Variants in FOXN3 observed in about 807,000 individuals in gnomAD.
FOXN3 encodes the protein forkhead box protein N3.
In FOXN3, 7 loss-of-function variants were observed where a neutral mutation model predicts 38.4. That is an observed-to-expected ratio of 0.18 (90% confidence interval 0.10 to 0.34). FOXN3 has a LOEUF of 0.34. FOXN3 is among the 10% of genes least tolerant of loss of function. The probability of loss-of-function intolerance (pLI) is 1.00; values close to 1 mark genes in which losing one functional copy is unlikely to be tolerated. For synonymous variants in FOXN3, 230 were observed against 242.2 expected (o/e 0.95, Z 0.47); for missense variants, 456 against 613.4 (o/e 0.74, Z 2.71).
intron 4 of FOXN3, among the ~76,000 whole-genome samples, chr14:89,222,616 G>A (rs998700238): frequency 1.3e-5 from 2 of 152,034 alleles, no homozygotes; most frequent in East Asian, 1.9e-4. Context: ...ACACCCAGCC[G>A]AGCTCAGGAG....
intron 1 of FOXN3, among the ~76,000 whole-genome samples, chr14:89,465,033 C>T (rs1419664046): frequency 4.0e-5 from 6 of 151,892 alleles, no homozygotes; most frequent in Non-Finnish European, 8.8e-5. Context: ...GTGAGTTCTC[C>T]AGAGATCTGA....
intron 1 of FOXN3, among the ~76,000 whole-genome samples, chr14:89,553,752 C>T (rs2139867068): frequency 6.6e-6 from 1 of 152,260 alleles, no homozygotes; most frequent in Admixed American, 6.5e-5. Flanking sequence ...ACTCAGATCT[C>T]AGAAATAAAG....
At chr14:89,199,060 G>A (rs906384060) in intron 4 of FOXN3, among the ~76,000 whole-genome samples, 7 of 152,170 alleles carry the variant, frequency 4.6e-5, no homozygotes, top group East Asian at 1.9e-4. Context: ...TATAACAGCC[G>A]CCTCTGATCT....
At chr14:89,465,600 T>C (rs535989486) in intron 1 of FOXN3, among the ~76,000 whole-genome samples, 39 of 152,352 alleles carry the variant, frequency 2.6e-4, no homozygotes, top group African/African-American at 7.2e-4. Flanking sequence ...CACAAGGTTA[T>C]GTTTTGTACC....
chr14:89,442,100 AT>A (rs1436346425), intron 1 of FOXN3, among the ~76,000 whole-genome samples: 6 of 151,742 alleles, frequency 4.0e-5, no homozygotes, highest in Middle Eastern at 3.4e-3. Flanking sequence ...CTAATTTTGT[AT>A]TTTTAGTAGA....
chr14:89,210,955 C>T (rs1311771460), intron 4 of FOXN3, among the ~76,000 whole-genome samples: 1 of 152,166 alleles, frequency 6.6e-6, no homozygotes, highest in Non-Finnish European at 1.5e-5. Flanking sequence ...TACATTTCTC[C>T]ACTCTCTGGC....
intron 4 of FOXN3, among the ~76,000 whole-genome samples, chr14:89,234,892 C>T (rs76819431): frequency 0.032 from 4,817 of 152,262 alleles, 100 homozygotes; most frequent in African/African-American, 0.053. Context: ...CCATCCCCAG[C>T]TGTTGAAGTC....
intron 4 of FOXN3, among the ~76,000 whole-genome samples, chr14:89,201,595 C>T (rs1596099275): frequency 6.6e-6 from 1 of 152,304 alleles, no homozygotes; most frequent in African/African-American, 2.4e-5. Context: ...AGAGGTGGGA[C>T]CAGGAAGCCC....
chr14:89,473,856 T>C (rs75100389), intron 1 of FOXN3, among the ~76,000 whole-genome samples: 2,970 of 152,328 alleles, frequency 0.019, 84 homozygotes, highest in African/African-American at 0.068. Flanking sequence ...TCCAAAGGCA[T>C]ATTTCAATTT....
intron 1 of FOXN3, among the ~76,000 whole-genome samples, chr14:89,604,934 T>G (rs1896238526): frequency 6.6e-6 from 1 of 152,078 alleles, no homozygotes; most frequent in African/African-American, 2.4e-5. Flanking sequence ...CAAAAATATA[T>G]TGTATACCTA....
chr14:89,314,435 TC>T lies in FOXN3; in HGVS notation c.681-33422del, dbSNP rs1175964602. 9.6e-5 allele frequency among the ~76,000 whole-genome samples: 6 copies of T among 62,628 alleles called. No individual in the cohort carries two copies. The East Asian group carries it at 1.8e-3, about 18-fold the overall frequency. 41.1% of individuals were successfully genotyped at this position (62,628 alleles called of 152,430 possible). A position where few individuals can be genotyped will look rare whatever the true frequency, so the allele number is the denominator to read the frequency against. On this transcript the variant is annotated intron_variant, in intron 3 of 5. Transcript: ENST00000557258. ...AATTTAACTCTGGTCACTTGTTTTG[TC>T]AGCTTCATTTCTTATCTCAGCTCAA...
chr14:89,611,613 T>C lies in FOXN3; in HGVS notation c.-15+7415A>G, dbSNP rs1401019470. 8.5e-5 allele frequency among the ~76,000 whole-genome samples: 13 copies of C among 152,192 alleles called. No homozygotes were observed. The East Asian group carries it at 1.6e-3, about 18-fold the overall frequency. On this transcript the variant is annotated intron_variant, in intron 1 of 6. Coordinates refer to the FOXN3 transcript ENST00000345097. ...CAAGGTCAGGAGATCGAGACCATCC[T>C]GGTTAACACGGTGAAACCCCGTCTC...
At position 89,457,742 on chromosome 14, in the gene FOXN3, G is replaced by C. The variant is rs148885692; in HGVS notation, c.-14-45252C>G. Among the ~76,000 whole-genome samples, 437 of 152,290 alleles carry C rather than the reference G, an allele frequency of 2.9e-3. 2 individuals carry two copies. The highest frequency in any genetic ancestry group is 9.7e-3 in the African/African-American group (403 of 41,568). ...AGAAGTGAGCATGGAGCCGGGCGCG[G>C]TGGCTCATGCCTGTAATCCCAGCAC... On this transcript the variant is annotated intron_variant, in intron 1 of 6. Transcript: ENST00000345097.
intron 1 of FOXN3, among the ~76,000 whole-genome samples, chr14:89,473,494 G>A (rs1004147053): frequency 5.3e-5 from 8 of 151,812 alleles, no homozygotes; most frequent in Admixed American, 4.6e-4. Flanking sequence ...TCGCACCTCA[G>A]CCTCGCAAGT....
At chr14:89,607,072 T>C (rs566722398) in intron 1 of FOXN3, among the ~76,000 whole-genome samples, 30 of 152,192 alleles carry the variant, frequency 2.0e-4, no homozygotes, top group African/African-American at 6.3e-4. Flanking sequence ...TTGGCAAAAA[T>C]GTTAAAGTCT....
At chr14:89,518,320 T>C (rs955775343) in intron 1 of FOXN3, among the ~76,000 whole-genome samples, 3 of 152,218 alleles carry the variant, frequency 2.0e-5, no homozygotes, top group Admixed American at 2.0e-4. Flanking sequence ...GTCATATCTT[T>C]TTCTCTGATC....
intron 1 of FOXN3, among the ~76,000 whole-genome samples, chr14:89,497,160 C>T (rs1050733628): frequency 1.3e-5 from 2 of 151,856 alleles, no homozygotes; most frequent in African/African-American, 4.8e-5. Flanking sequence ...TTCGCCATGT[C>T]GGCCAGGCTG....
intron 1 of FOXN3, among the ~76,000 whole-genome samples, chr14:89,578,095 A>G (rs1026978617): frequency 3.3e-5 from 5 of 150,852 alleles, no homozygotes; most frequent in South Asian, 4.4e-4. Context: ...TATGAAAGGG[A>G]AAAAATGCCA....
rs556220469 is a variant in FOXN3, at chr14:89,411,715, G to A, written c.543+219C>T. Among the ~76,000 whole-genome samples the A allele has an allele frequency of 9.9e-5, 15 of 152,202 alleles. 1 individual carries two copies. The highest frequency in any genetic ancestry group is 1.5e-4 in the Non-Finnish European group (10 of 68,014). ...TTTTATCTTTATGGAAACCCTATCA[G>A]TGGGAAACTCTCAAATAGTACAAAT... is the stretch of plus-strand genomic sequence containing the variant. On this transcript the variant is annotated intron_variant, in intron 2 of 5. Coordinates refer to ENST00000557258, the MANE Select transcript of FOXN3 (RefSeq NM_005197.4).
Sources: allele counts gnomAD v4.1 joint callset (sites outside exome capture counted in the v4.1 genomes callset), GRCh38; gene constraint gnomAD v4.1.1; transcripts MANE v1.5; gene names NCBI Gene and HGNC (gene_info 2026-07-23, HGNC 2026-07-21).